PTDSS1: variants seen among roughly 807,000 people sequenced by gnomAD.
PTDSS1 encodes the protein phosphatidylserine synthase 1, also known as PSS-1.
PTDSS1 carries 45 observed loss-of-function variants against 70.5 expected under a neutral mutation model. The ratio of observed to expected loss-of-function variants is 0.64; its 90% CI spans 0.50 to 0.82. The LOEUF (loss-of-function observed/expected upper bound fraction) is 0.82, where lower values mean the gene tolerates loss of function less well. Ranked by LOEUF, PTDSS1 falls within the 40% of genes least tolerant of loss-of-function variation. PTDSS1 has a pLI of 0.00. For synonymous variants in PTDSS1, 188 were observed against 203.8 expected, an observed-to-expected ratio of 0.92 and a Z score of 0.66; for missense variants, 417 against 586.1, an observed-to-expected ratio of 0.71 and a Z score of 2.98.
intron 9 of PTDSS1, among the ~76,000 whole-genome samples, chr8:96,315,362 C>T (rs564563130): frequency 2.6e-5 from 4 of 152,308 alleles, no homozygotes; most frequent in East Asian, 1.9e-4. Context: ...GCCAGGTACC[C>T]GGCCTCCATG....
Position 96,304,170 on chromosome 8 carries a change from A to T in PTDSS1, c.883A>T (p.Ile295Phe). Residue 295 changes from isoleucine (I) to phenylalanine (F), a missense_variant, in exon 7 of 13, where the codon ATC becomes TTC. Ile to Phe is a conservative substitution (Grantham distance 21). Coordinates refer to ENST00000517309, the MANE Select transcript of PTDSS1 (RefSeq NM_014754.3). ...QRVAGVYLFM[I>F]IWQLTELNTF... is the part of the protein sequence containing the mutation. ...AGTAGCTGGAGTGTACCTTTTCATG[A>T]TCATCTGGCAGGTATTTTTTCAGAT... 1 of 1,602,236 alleles carries T rather than the reference A, an allele frequency of 6.2e-7. No homozygotes were observed. Among genetic ancestry groups the T allele is most frequent in the Non-Finnish European group, 8.5e-7 (1 of 1,177,232 alleles).
At chr8:96,272,148 T>G (rs979441023) in intron 1 of PTDSS1, among the ~76,000 whole-genome samples, 1 of 152,188 alleles carries the variant, frequency 6.6e-6, no homozygotes, top group Admixed American at 6.5e-5. Flanking sequence ...ATATGAGTTA[T>G]AAATTTTTTT....
chr8:96,301,545 G>A (rs1202949599), intron 6 of PTDSS1, among the ~76,000 whole-genome samples: 3 of 151,426 alleles, frequency 2.0e-5, no homozygotes, highest in Non-Finnish European at 4.4e-5. Flanking sequence ...TTGAGATGGA[G>A]TTTCACTCTT....
chr8:96,312,190 C>T (rs751724716), intron 9 of PTDSS1, among the ~76,000 whole-genome samples: 3 of 152,228 alleles, frequency 2.0e-5, no homozygotes, highest in Non-Finnish European at 4.4e-5. Flanking sequence ...GCGGCTCACG[C>T]CTGTAATCTC....
chr8:96,272,927 C>T (rs544248365), intron 1 of PTDSS1, among the ~76,000 whole-genome samples: 9 of 152,164 alleles, frequency 5.9e-5, no homozygotes, highest in Non-Finnish European at 1.3e-4. Context: ...CAGAAGGCAT[C>T]ACAGGTACCC....
chr8:96,289,679 G>A (rs953453236), intron 4 of PTDSS1, among the ~76,000 whole-genome samples: 1 of 152,138 alleles, frequency 6.6e-6, no homozygotes, highest in Non-Finnish European at 1.5e-5. Flanking sequence ...CCATAGATGG[G>A]TTTGCTTTGA....
chr8:96,310,377 C>T (rs957536674), intron 9 of PTDSS1, among the ~76,000 whole-genome samples: 1 of 151,592 alleles, frequency 6.6e-6, no homozygotes, highest in Admixed American at 6.6e-5. Context: ...GTTGGTCAGG[C>T]TGGTTTCTAA....
intron 2 of PTDSS1, among the ~76,000 whole-genome samples, chr8:96,275,343 T>C (rs1246674715): frequency 6.6e-6 from 1 of 152,170 alleles, no homozygotes. Context: ...TTTTTGTAGA[T>C]AGAGATGGGG....
At chr8:96,303,494 T>A (rs1209470205) in intron 6 of PTDSS1, among the ~76,000 whole-genome samples, 2 of 152,168 alleles carry the variant, frequency 1.3e-5, no homozygotes, top group Non-Finnish European at 2.9e-5. Context: ...TACCTTGGGT[T>A]TTGGCTCTCC....
chr8:96,265,141 T>G (rs1810468349), intron 1 of PTDSS1, among the ~76,000 whole-genome samples: 1 of 152,232 alleles, frequency 6.6e-6, no homozygotes, highest in South Asian at 2.1e-4. Context: ...CTCCAGTGCC[T>G]TATTATTTAT....
At chr8:96,317,544 G>C (rs1415825016) in intron 9 of PTDSS1, among the ~76,000 whole-genome samples, 1 of 152,058 alleles carries the variant, frequency 6.6e-6, no homozygotes, top group Non-Finnish European at 1.5e-5. Flanking sequence ...AGACCAATCA[G>C]GGTAACACGG....
At chr8:96,313,235 CAT>C (rs1353982172) in intron 9 of PTDSS1, among the ~76,000 whole-genome samples, 2 of 152,168 alleles carry the variant, frequency 1.3e-5, no homozygotes, top group Non-Finnish European at 2.9e-5. Context: ...ACGGTTGTGC[CAT>C]AGACTGAGCT....
Position 96,304,063 on chromosome 8 carries a change from A to G in PTDSS1, c.776A>G (p.Lys259Arg). The G allele has an allele frequency of 6.2e-7, 1 of 1,612,806 alleles. No individual in the cohort carries two copies. ...AGGGACATTCATACCACCACCGGGA[A>G]GATCAAGAGAGCTGTTCTGCAGTTC... Reference protein sequence around the residue: ...SFKDIHTTTGKIKRAVLQFTP... With the variant: ...SFKDIHTTTGRIKRAVLQFTP... Residue 259 changes from lysine (K) to arginine (R), a missense_variant, in exon 7 of 13, where the codon AAG (lysine) becomes AGG (arginine). Transcript: ENST00000517309.
chr8:96,328,155 C>T (rs1166222099), intron 10 of PTDSS1, among the ~76,000 whole-genome samples: 1 of 152,154 alleles, frequency 6.6e-6, no homozygotes, highest in Non-Finnish European at 1.5e-5. Context: ...AGGGAAGAGC[C>T]CCGCGTGCCT....
intron 4 of PTDSS1, among the ~76,000 whole-genome samples, chr8:96,287,574 C>T (rs1810841869): frequency 9.4e-6 from 1 of 105,894 alleles, no homozygotes; most frequent in African/African-American, 2.6e-5. Context: ...CCCCCAACAC[C>T]CCATGTTGTT....
At chr8:96,318,067 G>A (rs543486005) in intron 9 of PTDSS1, among the ~76,000 whole-genome samples, 5 of 152,110 alleles carry the variant, frequency 3.3e-5, no homozygotes, top group Non-Finnish European at 7.3e-5. Context: ...GCTCATGCCT[G>A]TAATCCCAGC....
rs762517295 is a variant in PTDSS1 at position 96,331,084 on chromosome 8, A to C, written c.1301A>C (p.Lys434Thr). The change falls in exon 12 of 13, where the codon AAA becomes ACA. Residue 434 changes from lysine (K) to threonine (T), a missense_variant. Coordinates refer to ENST00000517309, the MANE Select transcript of PTDSS1 (RefSeq NM_014754.3). ...YSPEISWHHR[K>T]GTKGSEDSPP... ...CCAGAGATCTCCTGGCATCACAGGA[A>C]AGGGACAAAAGGTATCTTGTTCTTG... 1.3e-5 allele frequency: 21 copies of C among 1,602,518 alleles called. No individual in the cohort carries two copies. The East Asian group carries it at 4.5e-4, about 34-fold the overall frequency.
chr8:96,329,401 G>A (rs1811482096), intron 10 of PTDSS1, among the ~76,000 whole-genome samples: 1 of 152,194 alleles, frequency 6.6e-6, no homozygotes, highest in Non-Finnish European at 1.5e-5. Context: ...CCTGCCTTTG[G>A]TATGCAGTCC....
Position 96,266,266 on chromosome 8 carries a change from T to A in PTDSS1, c.179+4047T>A, listed in dbSNP as rs555743367. Among the ~76,000 whole-genome samples, 47 of 152,256 alleles carry A rather than the reference T, an allele frequency of 3.1e-4. 1 individual carries two copies. Among genetic ancestry groups the A allele is most frequent in the South Asian group, 8.3e-4 (4 of 4,836 alleles). Reference sequence around the variant, plus strand: ...AAAATTGTTACTTACCTAGAAGACGTTGCCTTTCTGCGGATTTGTGTACTT... The same window carrying A: ...AAAATTGTTACTTACCTAGAAGACGATGCCTTTCTGCGGATTTGTGTACTT... On this transcript the variant is annotated intron_variant, in intron 1 of 12. Transcript: ENST00000517309.
Sources: gnomAD v4.1 joint callset for allele counts (sites outside exome capture counted in the v4.1 genomes callset) on GRCh38, gnomAD v4.1.1 for gene constraint, MANE v1.5 for transcripts, NCBI Gene and HGNC (gene_info 2026-07-23, HGNC 2026-07-21) for gene names.